DLC1: variants seen among roughly 807,000 people sequenced by gnomAD.
DLC1 encodes DLC1 Rho GTPase activating protein, also known as rho GTPase-activating protein 7.
A neutral mutation model predicts 140.3 loss-of-function variants in DLC1; 54 were observed. The ratio of observed to expected loss-of-function variants is 0.38; its 90% CI spans 0.31 to 0.48. DLC1 has a LOEUF of 0.48. Ranked by LOEUF, DLC1 falls within the 20% of genes least tolerant of loss-of-function variation. DLC1 has a pLI of 0.96. For missense variants in DLC1, 2,536 were observed against 1,907.0 expected (o/e 1.33, Z -6.14); for synonymous variants, 986 against 728.1 (o/e 1.35, Z -5.70).
chr8:13,174,078 T>C (rs1431205), intron 5 of DLC1, among the ~76,000 whole-genome samples: 2,623 of 152,190 alleles, frequency 0.017, 70 homozygotes, highest in African/African-American at 0.059. Context: ...ATGTACCCAA[T>C]GTTTAGGGCC....
Position 13,378,868 on chromosome 8 carries a change from A to G in DLC1, c.1314+14685T>C, listed in dbSNP as rs1836119200. ...TAATTACGAATAATCCACTCTGACA[A>G]TATTCTTAAACCAATTAATGGGTTA... On this transcript the variant is annotated intron_variant, in intron 4 of 17. Coordinates refer to ENST00000276297, the MANE Select transcript of DLC1 (RefSeq NM_182643.3). Among the ~76,000 whole-genome samples, 7 of 152,324 alleles carry G rather than the reference A, an allele frequency of 4.6e-5. No individual in the cohort carries two copies. The South Asian group carries it at 1.5e-3, about 32-fold the overall frequency.
At chr8:13,199,177 CTTTTTTTTTTT>C (rs71207132) in intron 5 of DLC1, among the ~76,000 whole-genome samples, 1,206 of 93,324 alleles carry the variant, frequency 0.013, 28 homozygotes, top group African/African-American at 0.048. Context: ...TTCTCTTTTT[CTTTTTTTTTTT>C]TTTTTTTTTT....
intron 5 of DLC1, among the ~76,000 whole-genome samples, chr8:13,302,209 T>G (rs1832227814): frequency 6.6e-6 from 1 of 152,170 alleles, no homozygotes; most frequent in Admixed American, 6.5e-5. Flanking sequence ...AATTCTCAAT[T>G]GAGAAGAGGA....
intron 5 of DLC1, among the ~76,000 whole-genome samples, chr8:13,221,647 G>A (rs550752056): frequency 6.6e-4 from 98 of 148,724 alleles, no homozygotes; most frequent in Non-Finnish European, 9.3e-4. Flanking sequence ...CTGGGATTAC[G>A]GGTGTGAGCC....
chr8:13,344,638 A>G (rs538383511), intron 4 of DLC1, among the ~76,000 whole-genome samples: 1 of 152,336 alleles, frequency 6.6e-6, no homozygotes, highest in East Asian at 1.9e-4. Flanking sequence ...AAAGGCTGGT[A>G]GGAATGGTTA....
chr8:13,409,268 C>T (rs139560578), intron 2 of DLC1, among the ~76,000 whole-genome samples: 7 of 151,972 alleles, frequency 4.6e-5, no homozygotes, highest in Non-Finnish European at 1.0e-4. Flanking sequence ...ACATATTAAA[C>T]TACAAAATTA....
At chr8:13,344,219 C>G (rs376427455) in intron 4 of DLC1, among the ~76,000 whole-genome samples, 80 of 152,236 alleles carry the variant, frequency 5.3e-4, no homozygotes, top group African/African-American at 1.4e-3. Context: ...TCAGCCTGGC[C>G]GTGGTGGTTC....
intron 5 of DLC1, among the ~76,000 whole-genome samples, chr8:13,298,969 A>G (rs115688530): frequency 1.9e-3 from 294 of 152,320 alleles, no homozygotes; most frequent in African/African-American, 6.4e-3. Context: ...TCTTTGATTT[A>G]ATTTTAGAAT....
At chr8:13,367,474 T>A (rs1485979314) in intron 4 of DLC1, among the ~76,000 whole-genome samples, 1 of 152,170 alleles carries the variant, frequency 6.6e-6, no homozygotes, top group African/African-American at 2.4e-5. Flanking sequence ...AAAAGCAGCC[T>A]CCACCTACCA....
chr8:13,086,490 A>G (rs1817573596), intron 16 of DLC1, 27 bp from the exon 17 acceptor site: 2 of 1,602,274 alleles, frequency 1.2e-6, no homozygotes, highest in South Asian at 2.2e-5. Flanking sequence ...AGAGGCAGAA[A>G]TGATGGAATT....
chr8:13,446,037 T>G (rs908163567), intron 2 of DLC1, among the ~76,000 whole-genome samples: 2 of 152,176 alleles, frequency 1.3e-5, no homozygotes, highest in African/African-American at 4.8e-5. Flanking sequence ...CAAAATCCTT[T>G]CTATACACGG....
intron 10 of DLC1, among the ~76,000 whole-genome samples, chr8:13,098,046 A>G (rs1228024719): frequency 2.0e-5 from 3 of 150,506 alleles, no homozygotes; most frequent in East Asian, 1.9e-4. Flanking sequence ...AAAAAAAAAA[A>G]AAAAAAAAAA....
intron 2 of DLC1, among the ~76,000 whole-genome samples, chr8:13,447,964 A>T (rs1235682221): frequency 2.0e-5 from 3 of 152,160 alleles, no homozygotes; most frequent in African/African-American, 7.2e-5. Flanking sequence ...TGTGTGTGAA[A>T]ATCCTCCTGA....
chr8:13,154,107 T>C (rs1824056627), intron 5 of DLC1, among the ~76,000 whole-genome samples: 1 of 152,222 alleles, frequency 6.6e-6, no homozygotes, highest in African/African-American at 2.4e-5. Context: ...GATTGGTGTG[T>C]TTACAATCCT....
chr8:13,396,203 G>C (rs1213314780), intron 3 of DLC1, among the ~76,000 whole-genome samples: 1 of 151,694 alleles, frequency 6.6e-6, no homozygotes, highest in Non-Finnish European at 1.5e-5. Context: ...GGGATTACAG[G>C]CGCCCACCAC....
chr8:13,088,730 G>C (rs746674725), intron 15 of DLC1, 26 bp from the exon 16 acceptor site: 1 of 1,610,832 alleles, frequency 6.2e-7, no homozygotes, highest in Middle Eastern at 1.7e-4. Flanking sequence ...ATTTTTCAGT[G>C]CCAAGGCAAT....
intron 5 of DLC1, among the ~76,000 whole-genome samples, chr8:13,167,733 C>T (rs1825202574): frequency 1.3e-5 from 2 of 152,310 alleles, no homozygotes; most frequent in South Asian, 4.1e-4. Flanking sequence ...GGCGGAGTCC[C>T]ACAAAACAGT....
intron 5 of DLC1, among the ~76,000 whole-genome samples, chr8:13,128,925 T>TTATGATGGCAAGGCAGAACAC: frequency 4.6e-4 from 1 of 2,170 alleles, no homozygotes; most frequent in South Asian, 0.019. Flanking sequence ...AGGCAGAACA[T>TTATGATGGCAAGGCAGAACAC]TAATTATGAT....
At chr8:13,481,378 G>A (rs918945410) in intron 2 of DLC1, among the ~76,000 whole-genome samples, 1 of 152,218 alleles carries the variant, frequency 6.6e-6, no homozygotes, top group African/African-American at 2.4e-5. Context: ...AGTGAGCCAT[G>A]ATTGTGCCAG....
Sources: allele counts gnomAD v4.1 joint callset (sites outside exome capture counted in the v4.1 genomes callset), GRCh38; gene constraint gnomAD v4.1.1; transcripts MANE v1.5; gene names NCBI Gene and HGNC (gene_info 2026-07-23, HGNC 2026-07-21).